FMN1: variants seen among roughly 807,000 people sequenced by gnomAD.
FMN1 encodes the protein formin 1.
A neutral mutation model predicts 132.4 loss-of-function variants in FMN1; 110 were observed. The ratio of observed to expected loss-of-function variants is 0.83; its 90% confidence interval spans 0.71 to 0.97. The LOEUF (loss-of-function observed/expected upper bound fraction) is 0.97. Ranked by LOEUF, FMN1 falls within the 50% of genes least tolerant of loss-of-function variation. FMN1 has a pLI of 0.00. For missense variants in FMN1, 1,792 were observed against 1,705.3 expected, an observed-to-expected ratio of 1.05 and a Z score of -0.90; for synonymous variants, 722 against 651.7, an observed-to-expected ratio of 1.11 and a Z score of -1.64.
intron 4 of FMN1, among the ~76,000 whole-genome samples, chr15:33,108,520 G>C (rs1359188958): frequency 6.6e-6 from 1 of 151,560 alleles, no homozygotes; most frequent in African/African-American, 2.4e-5. Flanking sequence ...CTCTAACTCT[G>C]CTATTAAACA....
At chr15:32,846,916 AAAAC>A (rs2141241708) in intron 17 of FMN1, among the ~76,000 whole-genome samples, 1 of 152,316 alleles carries the variant, frequency 6.6e-6, no homozygotes, top group South Asian at 2.1e-4. Flanking sequence ...TAGTTTTTCC[AAAAC>A]AAACTAATGA....
chr15:33,004,464 G>T (rs1304672634), intron 7 of FMN1, among the ~76,000 whole-genome samples: 5 of 152,232 alleles, frequency 3.3e-5, no homozygotes, highest in Non-Finnish European at 7.3e-5. Flanking sequence ...GGCCATCAGA[G>T]AAATGCAAAG....
chr15:32,830,943 G>A (rs1264420498), intron 17 of FMN1, among the ~76,000 whole-genome samples: 12 of 152,006 alleles, frequency 7.9e-5, no homozygotes, highest in Non-Finnish European at 1.6e-4. Flanking sequence ...CTAGTGGTTT[G>A]TATCCTCCAA....
At chr15:32,956,725 C>T (rs1344216914) in intron 9 of FMN1, among the ~76,000 whole-genome samples, 1 of 152,036 alleles carries the variant, frequency 6.6e-6, no homozygotes, top group Non-Finnish European at 1.5e-5. Context: ...CTATCACCAC[C>T]CTCATATAAA....
intron 3 of FMN1, among the ~76,000 whole-genome samples, chr15:33,172,344 C>G (rs79386520): frequency 0.037 from 5,665 of 152,172 alleles, 153 homozygotes; most frequent in East Asian, 0.12. Context: ...AATGATCAAC[C>G]CACATACTAA....
intron 6 of FMN1, among the ~76,000 whole-genome samples, chr15:33,052,316 A>G (rs1596558741): frequency 6.6e-6 from 1 of 152,230 alleles, no homozygotes; most frequent in East Asian, 1.9e-4. Context: ...AATGGTTACT[A>G]GGAAGACTAC....
intron 5 of FMN1, among the ~76,000 whole-genome samples, chr15:33,086,741 A>G (rs2038712517): frequency 6.6e-6 from 1 of 152,214 alleles, no homozygotes; most frequent in Non-Finnish European, 1.5e-5. Context: ...ACAACTTTAT[A>G]TATGGGAACA....
chr15:32,801,119 C>T (rs900263947), intron 18 of FMN1, among the ~76,000 whole-genome samples: 2 of 152,134 alleles, frequency 1.3e-5, no homozygotes, highest in African/African-American at 4.8e-5. Context: ...CAACATATTG[C>T]AAATCCTGGT....
At chr15:33,127,079 T>G (rs1963154845) in intron 4 of FMN1, among the ~76,000 whole-genome samples, 1 of 152,200 alleles carries the variant, frequency 6.6e-6, no homozygotes, top group Non-Finnish European at 1.5e-5. Flanking sequence ...TTCCAGGCAC[T>G]GTATCAGGAG....
At chr15:33,047,239 TACC>T (rs1398226182) in intron 6 of FMN1, among the ~76,000 whole-genome samples, 1 of 152,224 alleles carries the variant, frequency 6.6e-6, no homozygotes, top group African/African-American at 2.4e-5. Context: ...TTCTCTTAGT[TACC>T]TTTGAAGATT....
intron 6 of FMN1, among the ~76,000 whole-genome samples, chr15:33,020,233 T>C (rs572585402): frequency 3.3e-4 from 50 of 152,304 alleles, no homozygotes; most frequent in Non-Finnish European, 2.6e-4. Flanking sequence ...TGGTATCAAA[T>C]ACTATCGCCA....
At chr15:33,157,293 T>C (rs1229240349) in intron 3 of FMN1, among the ~76,000 whole-genome samples, 1 of 151,820 alleles carries the variant, frequency 6.6e-6, no homozygotes, top group African/African-American at 2.4e-5. Flanking sequence ...TCAGAATCTG[T>C]TCAAAGTCAC....
intron 9 of FMN1, among the ~76,000 whole-genome samples, chr15:32,936,900 C>CT (rs2061288136): frequency 6.6e-6 from 1 of 152,218 alleles, no homozygotes; most frequent in African/African-American, 2.4e-5. Flanking sequence ...GTATTGGCCT[C>CT]TGTCTACTGT....
At chr15:32,861,372 G>A (rs949789912) in intron 16 of FMN1, among the ~76,000 whole-genome samples, 1 of 152,164 alleles carries the variant, frequency 6.6e-6, no homozygotes, top group Non-Finnish European at 1.5e-5. Context: ...TGGTGACAGA[G>A]CCCATGCGGT....
At chr15:32,851,232 C>T (rs2059002157) in intron 17 of FMN1, among the ~76,000 whole-genome samples, 1 of 152,146 alleles carries the variant, frequency 6.6e-6, no homozygotes, top group Admixed American at 6.5e-5. Context: ...TGAGATAAGG[C>T]CAAGTGTGGG....
chr15:33,034,538 C>T (rs548114867), intron 6 of FMN1, among the ~76,000 whole-genome samples: 46 of 152,288 alleles, frequency 3.0e-4, no homozygotes, highest in African/African-American at 1.1e-3. Context: ...GATTGCACCA[C>T]TGCACTCTAG....
chr15:33,182,208 C>T (rs1965729365), intron 2 of FMN1, among the ~76,000 whole-genome samples: 1 of 152,100 alleles, frequency 6.6e-6, no homozygotes, highest in Admixed American at 6.5e-5. Flanking sequence ...GCCTTCAAGT[C>T]TAGGGTCAGC....
intron 4 of FMN1, among the ~76,000 whole-genome samples, chr15:33,147,408 G>A (rs1303108522): frequency 2.0e-5 from 3 of 152,054 alleles, no homozygotes; most frequent in Non-Finnish European, 4.4e-5. Flanking sequence ...ATTTATCAGT[G>A]GCTGTTACTT....
At chr15:32,986,458 A>ATTTATTT (rs2033076072) in intron 7 of FMN1, among the ~76,000 whole-genome samples, 2 of 152,166 alleles carry the variant, frequency 1.3e-5, no homozygotes, top group Non-Finnish European at 2.9e-5. Context: ...GAATTCACAA[A>ATTTATTT]GATCTGATGT....
Sources: gnomAD v4.1 joint callset for allele counts (sites outside exome capture counted in the v4.1 genomes callset) on GRCh38, gnomAD v4.1.1 for gene constraint, MANE v1.5 for transcripts, NCBI Gene and HGNC (gene_info 2026-07-23, HGNC 2026-07-21) for gene names.